Variants in TXNRD2 observed in about 807,000 individuals in gnomAD.
The protein encoded by TXNRD2 is thioredoxin reductase 2, mitochondrial.
Under a neutral mutation model 70.8 loss-of-function variants are expected in TXNRD2, and 67 were observed. That is an observed-to-expected ratio of 0.95 (90% CI 0.78 to 1.16). The LOEUF is 1.16. TXNRD2 is among the 50% of genes most tolerant of loss of function. The pLI is 0.00. For missense variants in TXNRD2, 644 were observed against 719.9 expected (o/e 0.89, Z 1.21); for synonymous variants, 301 against 295.8 (o/e 1.02, Z -0.18).
At chr22:19,933,428 C>T (rs1262209892) in intron 1 of TXNRD2, 11 of 1,289,164 alleles carry the variant, frequency 8.5e-6, no homozygotes, top group Admixed American at 2.3e-5. Flanking sequence ...CTCAGAACGT[C>T]CCTACCTTCC....
intron 4 of TXNRD2, 66 bp from the exon 5 acceptor site, chr22:19,918,283 G>T (rs1348968641): frequency 5.3e-6 from 7 of 1,310,652 alleles, no homozygotes; most frequent in Non-Finnish European, 7.7e-6. Flanking sequence ...CCTCACGATG[G>T]ACTATTAGAT....
At chr22:19,939,057 G>A (rs575603609) in intron 1 of TXNRD2, among the ~76,000 whole-genome samples, 58 of 152,280 alleles carry the variant, frequency 3.8e-4, no homozygotes, top group African/African-American at 1.3e-3. Context: ...CAATTATAAC[G>A]TGGGGAAGAG....
At chr22:19,899,409 G>A (rs1464515906) in intron 8 of TXNRD2, among the ~76,000 whole-genome samples, 2 of 152,262 alleles carry the variant, frequency 1.3e-5, no homozygotes, top group African/African-American at 4.8e-5. Context: ...TAGGGTGGAA[G>A]CTGGGAGATG....
intron 8 of TXNRD2, among the ~76,000 whole-genome samples, chr22:19,909,902 C>CA (rs1569094011): frequency 4.9e-4 from 47 of 95,120 alleles, no homozygotes; most frequent in Admixed American, 4.4e-3. Flanking sequence ...CACACACACA[C>CA]CACACACCCA....
chr22:19,909,263 C>A (rs1940210372), intron 8 of TXNRD2, among the ~76,000 whole-genome samples: 1 of 150,642 alleles, frequency 6.6e-6, no homozygotes, highest in Non-Finnish European at 1.5e-5. Context: ...TGTTTTATCA[C>A]AATGAATAAT....
At chr22:19,930,341 C>T (rs1476675433) in intron 2 of TXNRD2, among the ~76,000 whole-genome samples, 1 of 152,156 alleles carries the variant, frequency 6.6e-6, no homozygotes, top group East Asian at 1.9e-4. Context: ...CACAACTGCC[C>T]TCTTATCATT....
intron 7 of TXNRD2, among the ~76,000 whole-genome samples, chr22:19,911,983 G>A (rs1013338468): frequency 6.6e-6 from 1 of 152,172 alleles, no homozygotes; most frequent in Non-Finnish European, 1.5e-5. Flanking sequence ...AGCCAGAGGA[G>A]AGGAGGCACA....
intron 5 of TXNRD2, 106 bp from the exon 6 acceptor site, chr22:19,915,949 G>T: frequency 9.7e-7 from 1 of 1,031,326 alleles, no homozygotes; most frequent in South Asian, 1.3e-5. Flanking sequence ...CCCCAGCAGG[G>T]CCTGGTGCTG....
intron 8 of TXNRD2, among the ~76,000 whole-genome samples, chr22:19,909,897 ACAC>A (rs1304053419): frequency 1.2e-4 from 3 of 24,088 alleles, no homozygotes; most frequent in African/African-American, 2.7e-4. Flanking sequence ...TCACACACAC[ACAC>A]ACCACACACC....
intron 2 of TXNRD2, among the ~76,000 whole-genome samples, chr22:19,922,376 G>A (rs1335110540): frequency 6.6e-6 from 1 of 152,100 alleles, no homozygotes; most frequent in East Asian, 1.9e-4. Flanking sequence ...GCAGAACTCC[G>A]TCAGTCAGGG....
At chr22:19,922,025 C>A (rs1940937829) in intron 2 of TXNRD2, among the ~76,000 whole-genome samples, 1 of 152,146 alleles carries the variant, frequency 6.6e-6, no homozygotes, top group African/African-American at 2.4e-5. Context: ...AACTGCATCC[C>A]AGAACAGAGC....
intron 8 of TXNRD2, among the ~76,000 whole-genome samples, chr22:19,906,193 A>G (rs1271651450): frequency 2.6e-5 from 4 of 152,214 alleles, no homozygotes; most frequent in Non-Finnish European, 1.5e-5. Flanking sequence ...CGATTTGTGC[A>G]GCACACATGG....
At chr22:19,941,493 G>T in intron 1 of TXNRD2, 1 of 840,476 alleles carries the variant, frequency 1.2e-6, no homozygotes, top group Non-Finnish European at 1.6e-6. Context: ...AAGGCACCCA[G>T]CCCCAGTTTC....
intron 8 of TXNRD2, among the ~76,000 whole-genome samples, chr22:19,909,740 CA>C (rs1940269860): frequency 7.0e-6 from 1 of 142,226 alleles, no homozygotes. Context: ...CTCACACACA[CA>C]CCACACACAC....
At chr22:19,915,961 G>A (rs769575802) in intron 5 of TXNRD2, 118 bp from the exon 6 acceptor site, 20 of 899,890 alleles carry the variant, frequency 2.2e-5, no homozygotes, top group Non-Finnish European at 3.5e-5. Flanking sequence ...CTGGTGCTGT[G>A]GCTCAGATGG....
At position 19,877,159 on chromosome 22, in the gene TXNRD2, C is replaced by T; in HGVS notation, c.1521G>A (p.Leu507=). The T allele has an allele frequency of 6.2e-7, 1 of 1,610,368 alleles. No individual in the cohort carries two copies. The highest frequency in any genetic ancestry group is 8.5e-7 in the Non-Finnish European group (1 of 1,177,676). ...CCAGGCCTGAGCGCTTGGAGATGCG[C>T]AGCTTGACTACCTCCTCAGAGCATG... The part of the protein sequence containing the change: ...HPTCSEEVVK[L]RISKRSGLDP... Residue 507 remains leucine (L), a synonymous_variant, in exon 17 of 18, where the codon CTG becomes CTA. Coordinates refer to ENST00000400521, the MANE Select transcript of TXNRD2 (RefSeq NM_006440.5).
Position 19,898,065 on chromosome 22 carries a change from T to C in TXNRD2, c.748A>G (p.Ser250Gly), listed in dbSNP as rs1395120530. Reference protein sequence around the residue: ...IGLDTTIMMRSIPLRGFDQQM... With the variant: ...IGLDTTIMMRGIPLRGFDQQM... ...TGGTCGAAGCCGCGGAGGGGGATGC[T>C]GCGCATCATGATGGTGGTGTCCAGC... is the stretch of plus-strand genomic sequence containing the variant. Residue 250 changes from serine to glycine, a missense_variant, in exon 10 of 18, where the codon AGC becomes GGC. By Grantham distance (56) the Ser-to-Gly change is moderately conservative (BLOSUM62 0). Transcript: ENST00000400521. 1.3e-6 allele frequency: 2 copies of C among 1,562,322 alleles called. No individual in the cohort carries two copies. The highest frequency in any genetic ancestry group is 1.9e-5 in the Admixed American group (1 of 52,564).
In TXNRD2 at chr22:19,883,635, C is replaced by T. The variant is rs762697685; in HGVS notation, c.950-174G>A. On this transcript the variant is annotated intron_variant, in intron 11 of 17. Coordinates refer to ENST00000400521, the MANE Select transcript of TXNRD2 (RefSeq NM_006440.5). Reference sequence around the variant, plus strand: ...GGCAAATCACCTGAGGTCATGAGTTCGAGACCAGGCTGGCCAACATGATGA... The same window carrying T: ...GGCAAATCACCTGAGGTCATGAGTTTGAGACCAGGCTGGCCAACATGATGA... 8.5e-6 allele frequency: 7 copies of T among 828,120 alleles called. No homozygotes were observed. The East Asian group carries it at 1.0e-4, about 12-fold the overall frequency. 51.3% of individuals were successfully genotyped at this position (828,120 alleles called of 1,614,324 possible). A position where few individuals can be genotyped will look rare whatever the true frequency, so the allele number is the denominator to read the frequency against.
At chr22:19,924,480 A>T (rs1941043889) in intron 2 of TXNRD2, among the ~76,000 whole-genome samples, 1 of 152,170 alleles carries the variant, frequency 6.6e-6, no homozygotes, top group African/African-American at 2.4e-5. Context: ...TCATACCCGT[A>T]GACCCAACAG....
Sources: gnomAD v4.1 joint callset for allele counts (sites outside exome capture counted in the v4.1 genomes callset) on GRCh38, gnomAD v4.1.1 for gene constraint, MANE v1.5 for transcripts, NCBI Gene and HGNC (gene_info 2026-07-23, HGNC 2026-07-21) for gene names.